Variants in SLC2A5 observed in about 807,000 individuals in gnomAD.
The protein encoded by SLC2A5 is solute carrier family 2, facilitated glucose transporter member 5.
In SLC2A5, 56 loss-of-function variants were observed where a neutral mutation model predicts 50.3. The ratio of observed to expected loss-of-function variants is 1.11; its 90% CI spans 0.90 to 1.39. SLC2A5 has a LOEUF of 1.39. Ranked by LOEUF, SLC2A5 falls within the 40% of genes most tolerant of loss-of-function variation. The pLI is 0.00. For missense variants in SLC2A5, 566 were observed against 650.1 expected (o/e 0.87, Z 1.41); for synonymous variants, 269 against 281.9 (o/e 0.95, Z 0.46).
intron 3 of SLC2A5, among the ~76,000 whole-genome samples, chr1:9,051,514 G>C (rs1258869258): frequency 6.6e-6 from 1 of 152,082 alleles, no homozygotes; most frequent in Non-Finnish European, 1.5e-5. Context: ...ACCTCACCAA[G>C]ATACGCAGAT....
At chr1:9,079,585 A>G (rs1169746217) in intron 2 of SLC2A5, among the ~76,000 whole-genome samples, 1 of 152,222 alleles carries the variant, frequency 6.6e-6, no homozygotes, top group Admixed American at 6.5e-5. Context: ...TCCTAGGCTC[A>G]AGTGATTCTC....
At chr1:9,060,275 T>G (rs1161745747) in intron 1 of SLC2A5, among the ~76,000 whole-genome samples, 13 of 90,924 alleles carry the variant, frequency 1.4e-4, no homozygotes, top group African/African-American at 6.0e-4. Context: ...ACTCCCCACA[T>G]GTACACAAAC....
intron 8 of SLC2A5, among the ~76,000 whole-genome samples, chr1:9,039,172 C>T (rs1259395591): frequency 1.3e-5 from 2 of 152,170 alleles, no homozygotes; most frequent in Non-Finnish European, 1.5e-5. Flanking sequence ...AATCCCACAA[C>T]CCTGAGCCTC....
chr1:9,082,310 C>T (rs1032114195), intron 2 of SLC2A5, among the ~76,000 whole-genome samples: 11 of 152,080 alleles, frequency 7.2e-5, no homozygotes, highest in African/African-American at 2.2e-4. Context: ...CACATATGTT[C>T]GTAGCAGCAG....
In SLC2A5 at chr1:9,039,814, A is replaced by G; in HGVS notation, c.871T>C (p.Ser291Pro). 6.3e-7 allele frequency: 1 copy of G among 1,594,778 alleles called. No homozygotes were observed. Among genetic ancestry groups the G allele is most frequent in the Non-Finnish European group, 8.5e-7 (1 of 1,171,640 alleles). The change falls in exon 7 of 12, where the codon TCG (serine) becomes CCG (proline). Residue 291 changes from serine (S) to proline (P), a missense_variant. Physicochemically the swap from Ser to Pro is moderately conservative, Grantham distance 74 (BLOSUM62 -1). Transcript: ENST00000377424. ...IIVLMGGQQL[S>P]GVNAIYYYAD... is the part of the protein sequence containing the mutation. Reference sequence around the variant, plus strand: ...CCGGCCCATACAGCGTTGACGCCCGACAGCTGCTGGCCGCCCATGAGGACG... The same window carrying G: ...CCGGCCCATACAGCGTTGACGCCCGGCAGCTGCTGGCCGCCCATGAGGACG...
At chr1:9,079,034 G>A (rs867716599) in intron 2 of SLC2A5, among the ~76,000 whole-genome samples, 6 of 152,092 alleles carry the variant, frequency 3.9e-5, no homozygotes, top group Non-Finnish European at 7.4e-5. Flanking sequence ...CAGTGCCCAC[G>A]CGCGGTGTCT....
At chr1:9,087,941 G>A (rs1337946016) in intron 1 of SLC2A5, among the ~76,000 whole-genome samples, 1 of 152,082 alleles carries the variant, frequency 6.6e-6, no homozygotes, top group Non-Finnish European at 1.5e-5. Context: ...GGAACCTAAA[G>A]CCAAAGCATT....
chr1:9,078,744 C>A (rs935337135), intron 2 of SLC2A5, among the ~76,000 whole-genome samples: 3 of 152,318 alleles, frequency 2.0e-5, no homozygotes, highest in Non-Finnish European at 4.4e-5. Context: ...AACAAAGTGT[C>A]GTCAAATAGC....
chr1:9,047,876 A>G, intron 3 of SLC2A5, 142 bp from the exon 4 acceptor site: 2 of 821,188 alleles, frequency 2.4e-6, no homozygotes, highest in Non-Finnish European at 3.8e-6. Context: ...GGGACCTGAG[A>G]CTGATACAGG....
intron 2 of SLC2A5, among the ~76,000 whole-genome samples, chr1:9,077,464 G>A (rs1569920377): frequency 6.7e-6 from 1 of 149,984 alleles, no homozygotes; most frequent in Non-Finnish European, 1.5e-5. Context: ...GAAAAGTCTG[G>A]ACGCAGTGGC....
At chr1:9,064,102 A>G (rs1642021848) in intron 1 of SLC2A5, among the ~76,000 whole-genome samples, 1 of 152,134 alleles carries the variant, frequency 6.6e-6, no homozygotes, top group African/African-American at 2.4e-5. Context: ...TGTTGGTTTT[A>G]TAAGTGTGAG....
At chr1:9,092,921 C>A (rs111527915), upstream of SLC2A5, among the ~76,000 whole-genome samples, 5 of 152,086 alleles carry the variant, frequency 3.3e-5, no homozygotes, top group Non-Finnish European at 7.4e-5. Context: ...GACTGGGTTA[C>A]CCTTTTGCCT....
At chr1:9,038,407 C>T (rs545568823) in intron 10 of SLC2A5, 24 bp downstream of exon 10, 23 of 1,595,120 alleles carry the variant, frequency 1.4e-5, no homozygotes, top group African/African-American at 2.7e-5. Flanking sequence ...TTGTGACACC[C>T]TGAGGCCAGC....
chr1:9,070,245 TAATTTTTATATTTTTA>T (rs1569911346), upstream of SLC2A5, among the ~76,000 whole-genome samples: 1 of 151,902 alleles, frequency 6.6e-6, no homozygotes, highest in East Asian at 1.9e-4. Context: ...CACGCTCGGC[TAATTTTTATATTTTTA>T]GTAGACACGG....
chr1:9,081,781 G>A (rs558145643), intron 2 of SLC2A5, among the ~76,000 whole-genome samples: 5 of 152,130 alleles, frequency 3.3e-5, no homozygotes, highest in Non-Finnish European at 5.9e-5. Context: ...AAAAAAAAGG[G>A]AAATTAACTA....
intron 1 of SLC2A5, among the ~76,000 whole-genome samples, chr1:9,060,954 G>C (rs1641927252): frequency 6.6e-6 from 1 of 151,682 alleles, no homozygotes; most frequent in South Asian, 2.1e-4. Context: ...CAAAGAGAGA[G>C]GGGTGGGGGT....
upstream of SLC2A5, among the ~76,000 whole-genome samples, chr1:9,091,704 C>T (rs1642463919): frequency 6.6e-6 from 1 of 152,086 alleles, no homozygotes; most frequent in Non-Finnish European, 1.5e-5. Flanking sequence ...CATGTTTTAC[C>T]ACCTTACTTC....
intron 1 of SLC2A5, among the ~76,000 whole-genome samples, chr1:9,066,968 AC>A (rs1311190440): frequency 6.7e-6 from 1 of 149,810 alleles, no homozygotes; most frequent in Non-Finnish European, 1.5e-5. Context: ...ACAGAGTAAG[AC>A]CCTGTCTCAA....
intron 3 of SLC2A5, among the ~76,000 whole-genome samples, chr1:9,053,397 T>C (rs1641660820): frequency 4.0e-5 from 3 of 74,852 alleles, no homozygotes; most frequent in African/African-American, 1.5e-4. Context: ...ATATATATTA[T>C]ATATTTATAT....
Sources: gnomAD v4.1 joint callset for allele counts (sites outside exome capture counted in the v4.1 genomes callset) on GRCh38, gnomAD v4.1.1 for gene constraint, MANE v1.5 for transcripts, NCBI Gene and HGNC (gene_info 2026-07-23, HGNC 2026-07-21) for gene names.